ZNF521: variants seen among roughly 807,000 people sequenced by gnomAD.
ZNF521 encodes the protein zinc finger protein 521.
ZNF521 carries 14 observed loss-of-function variants against 105.5 expected under a neutral mutation model. The ratio of observed to expected loss-of-function variants is 0.13; its 90% CI spans 0.09 to 0.21. The LOEUF (loss-of-function observed/expected upper bound fraction) is 0.21. ZNF521 is among the 10% of genes least tolerant of loss of function. The pLI is 1.00. For missense variants in ZNF521, 1,233 were observed against 1,629.7 expected (o/e 0.76, Z 4.19); for synonymous variants, 635 against 606.0 (o/e 1.05, Z -0.70).
Position 25,226,742 on chromosome 18 carries a change from G to A in ZNF521, c.1176C>T (p.Asp392=), listed in dbSNP as rs1906168358. The change falls in exon 4 of 8, where the codon GAC becomes GAT. Residue 392 remains aspartate, a synonymous_variant. Transcript: ENST00000361524. The surrounding 1 kb of genome is among the most constrained non-coding windows in gnomAD (Gnocchi z 4.1). ...CTTGTTTACTCGAGGGACCAGTCAT[G>A]TCAGGGGTTTGTTGAGCGGCCCTCT... ...GRKRAAQQTP[D]MTGPSSKQAK... 1.9e-6 allele frequency: 3 copies of A among 1,614,158 alleles called. No homozygotes were observed. The highest frequency in any genetic ancestry group is 1.6e-4 in the Middle Eastern group (1 of 6,062).
intron 5 of ZNF521, among the ~76,000 whole-genome samples, chr18:25,100,231 A>G (rs1179945946): frequency 6.6e-6 from 1 of 152,170 alleles, no homozygotes; most frequent in Non-Finnish European, 1.5e-5. Context: ...TTAAACAACA[A>G]AAGCAAATCA....
chr18:25,196,114 G>A lies in ZNF521; in HGVS notation c.3574-870C>T, dbSNP rs572933467. ...ACTCAATAAATAGAGTATTAGCTGT[G>A]TTTTCCAGAACACATACTTACATAA... On this transcript the variant is annotated intron_variant, in intron 4 of 7. Transcript: ENST00000361524. Among the ~76,000 whole-genome samples, 26 of 151,754 alleles carry A rather than the reference G, an allele frequency of 1.7e-4. No individual in the cohort carries two copies. The East Asian group carries it at 4.8e-3, about 28-fold the overall frequency.
rs1035001345 is a variant in ZNF521 at position 25,150,393 on chromosome 18, C to T, written c.3658+44767G>A. Among the ~76,000 whole-genome samples the T allele has an allele frequency of 2.6e-5, 4 of 152,042 alleles. No homozygotes were observed. In the East Asian group the frequency reaches 5.8e-4, roughly 22 times the overall value. ...ATATCACCCCTAAAGAACTTACTCA[C>T]GTAACCAAACACCACCTGTTTCCCT... On this transcript the variant is annotated intron_variant, in intron 5 of 7. Transcript: ENST00000361524.
chr18:25,066,138 A>G (rs540551173), intron 7 of ZNF521, among the ~76,000 whole-genome samples: 4 of 152,230 alleles, frequency 2.6e-5, no homozygotes, highest in African/African-American at 9.6e-5. Context: ...TCTTATTCTC[A>G]TTTTGTTTGG....
chr18:25,202,543 G>A (rs181990263), intron 4 of ZNF521: 1 of 152,232 alleles, frequency 6.6e-6, no homozygotes, highest in East Asian at 1.9e-4. Flanking sequence ...AATGGGAAGA[G>A]AGAAGCGGTT....
chr18:25,312,116 A>G (rs1253835350), intron 3 of ZNF521, among the ~76,000 whole-genome samples: 2 of 152,206 alleles, frequency 1.3e-5, no homozygotes, highest in Non-Finnish European at 2.9e-5. Context: ...GCCTAATAAA[A>G]TATGGACATC....
chr18:25,071,991 C>A (rs571069271), intron 7 of ZNF521, among the ~76,000 whole-genome samples: 9 of 152,250 alleles, frequency 5.9e-5, no homozygotes, highest in African/African-American at 1.7e-4. Flanking sequence ...AGGCAGGGGG[C>A]AGAGGGCAGA....
chr18:25,333,484 C>A (rs1050369858), intron 2 of ZNF521, among the ~76,000 whole-genome samples: 2 of 151,898 alleles, frequency 1.3e-5, no homozygotes, highest in African/African-American at 2.4e-5. Flanking sequence ...TTTTTAAAAT[C>A]CAACACATTT....
intron 2 of ZNF521, among the ~76,000 whole-genome samples, chr18:25,334,452 G>A (rs1362335864): frequency 6.6e-6 from 1 of 152,192 alleles, no homozygotes; most frequent in Non-Finnish European, 1.5e-5. Flanking sequence ...GATGGGCCCA[G>A]TGTATGTGAC....
intron 2 of ZNF521, among the ~76,000 whole-genome samples, chr18:25,323,530 C>A (rs1220991966): frequency 6.6e-6 from 1 of 152,126 alleles, no homozygotes; most frequent in Non-Finnish European, 1.5e-5. Context: ...CAGCCTCCAA[C>A]TCCTGGCCTC....
At chr18:25,063,043 G>T (rs2032950486) in intron 7 of ZNF521, among the ~76,000 whole-genome samples, 1 of 152,186 alleles carries the variant, frequency 6.6e-6, no homozygotes, top group Non-Finnish European at 1.5e-5. Flanking sequence ...CTTAATGTGA[G>T]ATGGCTGGCT....
intron 2 of ZNF521, among the ~76,000 whole-genome samples, chr18:25,346,154 C>A (rs939160331): frequency 6.6e-6 from 1 of 151,972 alleles, no homozygotes; most frequent in Non-Finnish European, 1.5e-5. Context: ...AAAACAATTA[C>A]CTTTACACAC....
intron 5 of ZNF521, among the ~76,000 whole-genome samples, chr18:25,113,920 G>A (rs2034251713): frequency 2.0e-5 from 3 of 152,104 alleles, no homozygotes; most frequent in African/African-American, 7.2e-5. Context: ...CTAAAAAGAT[G>A]AGATGATAAC....
At chr18:25,314,614 A>G (rs1210332337) in intron 3 of ZNF521, among the ~76,000 whole-genome samples, 3 of 152,238 alleles carry the variant, frequency 2.0e-5, no homozygotes, top group Admixed American at 1.3e-4. Flanking sequence ...AGGGCTTTAT[A>G]TATCTGGTCT....
At chr18:25,175,413 G>C (rs2035520521) in intron 5 of ZNF521, among the ~76,000 whole-genome samples, 1 of 152,116 alleles carries the variant, frequency 6.6e-6, no homozygotes, top group Admixed American at 6.5e-5. Context: ...TACATCATTG[G>C]GGTTCTATGT....
In ZNF521 at chr18:25,120,166, T is replaced by C. The variant is rs8097384; in HGVS notation, c.3659-28085A>G. On this transcript the variant is annotated intron_variant, in intron 5 of 7. Coordinates refer to ENST00000361524, the MANE Select transcript of ZNF521 (RefSeq NM_015461.3). ...GTAGACACAATTCCAGATCAGATGG[T>C]TTCATTGGTGAATTCTAACAAGCAT... Among the ~76,000 whole-genome samples, 1,190 of 152,320 alleles carry C rather than the reference T, an allele frequency of 7.8e-3. 9 individuals carry two copies. The highest frequency in any genetic ancestry group is 0.024 in the African/African-American group (1,013 of 41,576).
chr18:25,231,945 G>T (rs1029034894), intron 3 of ZNF521, among the ~76,000 whole-genome samples: 1 of 152,186 alleles, frequency 6.6e-6, no homozygotes, highest in African/African-American at 2.4e-5. Context: ...ATAGGGCCTG[G>T]TCTGCAAGAA....
intron 5 of ZNF521, among the ~76,000 whole-genome samples, chr18:25,159,801 G>A (rs2035217200): frequency 6.6e-6 from 1 of 152,142 alleles, no homozygotes; most frequent in African/African-American, 2.4e-5. Flanking sequence ...ATGTGGCTTT[G>A]GACAAGCTAC....
At chr18:25,211,316 T>C (rs537348024) in intron 4 of ZNF521, among the ~76,000 whole-genome samples, 1 of 152,116 alleles carries the variant, frequency 6.6e-6, no homozygotes, top group Admixed American at 6.5e-5. Context: ...GTTTTGGGAG[T>C]TTTTTGTTTT....
Sources: gnomAD v4.1 joint callset for allele counts (sites outside exome capture counted in the v4.1 genomes callset) on GRCh38, gnomAD v4.1.1 for gene constraint, Gnocchi (gnomAD v3.1) non-coding constraint, MANE v1.5 for transcripts, NCBI Gene and HGNC (gene_info 2026-07-23, HGNC 2026-07-21) for gene names.